The following MAP3K20 variants were observed in gnomAD, a reference collection of about 807,000 sequenced individuals.
The protein encoded by MAP3K20 is mitogen-activated protein kinase kinase kinase 20, also known as HCCS-4.
In MAP3K20, 40 loss-of-function variants were observed where a neutral mutation model predicts 85.7. That is an observed-to-expected ratio of 0.47 (90% CI 0.36 to 0.61). The LOEUF (loss-of-function observed/expected upper bound fraction) is 0.61, where lower values mean the gene tolerates loss of function less well. Ranked by LOEUF, MAP3K20 falls within the 20% of genes least tolerant of loss-of-function variation. The probability of loss-of-function intolerance (pLI) is 0.00; values close to 1 mark genes in which losing one functional copy is unlikely to be tolerated. For missense variants in MAP3K20, 817 were observed against 961.7 expected, an observed-to-expected ratio of 0.85 and a Z score of 1.99; for synonymous variants, 325 against 327.7, an observed-to-expected ratio of 0.99 and a Z score of 0.09.
intron 10 of MAP3K20, chr2:173,215,663 A>C (rs757701147): frequency 6.6e-6 from 1 of 152,216 alleles, no homozygotes; most frequent in Non-Finnish European, 1.5e-5. Flanking sequence ...GGTGCATTTC[A>C]GACGAGTAGC....
chr2:173,216,857 G>A (rs1662709767), intron 10 of MAP3K20, among the ~76,000 whole-genome samples: 1 of 152,164 alleles, frequency 6.6e-6, no homozygotes, highest in Non-Finnish European at 1.5e-5. Flanking sequence ...GGCTGTACCA[G>A]GACACCAGCT....
chr2:173,091,240 G>A, intron 2 of MAP3K20, 50 bp downstream of exon 2: 4 of 1,579,620 alleles, frequency 2.5e-6, no homozygotes, highest in South Asian at 1.1e-5. Flanking sequence ...ATTTATGTAA[G>A]CTTTTTCAAC....
chr2:173,242,985 G>T (rs1190729929), intron 16 of MAP3K20, among the ~76,000 whole-genome samples: 2 of 152,080 alleles, frequency 1.3e-5, no homozygotes, highest in Non-Finnish European at 2.9e-5. Context: ...GATTACAGGC[G>T]TGAGCCACCG....
Position 173,222,198 on chromosome 2 carries a change from C to A in MAP3K20, c.987+4948C>A, listed in dbSNP as rs1684271230. 6 of 969,842 alleles carry A rather than the reference C, an allele frequency of 6.2e-6. No homozygotes were observed. In the South Asian group the frequency reaches 2.9e-4, roughly 47 times the overall value. The allele number at this position is 969,842 out of a possible 1,614,324, so 60.1% of individuals were successfully genotyped here. A position where few individuals can be genotyped will look rare whatever the true frequency, so the allele number is the denominator to read the frequency against. On this transcript the variant is annotated intron_variant, in intron 11 of 19. Coordinates refer to ENST00000375213, the MANE Select transcript of MAP3K20 (RefSeq NM_016653.3). Reference sequence around the variant, plus strand: ...TCTAGCCTGGGCAAGAGAACAAGATCCTGTCTCAAAAAACAAAAAAAAGAA... The same window carrying A: ...TCTAGCCTGGGCAAGAGAACAAGATACTGTCTCAAAAAACAAAAAAAAGAA...
intron 11 of MAP3K20, chr2:173,223,331 G>A: frequency 3.3e-6 from 3 of 899,238 alleles, no homozygotes; most frequent in Non-Finnish European, 4.0e-6. Context: ...CTGATCTTCA[G>A]CGTGGGAATA....
At chr2:173,209,938 G>C in intron 10 of MAP3K20, 103 bp downstream of exon 10, 1 of 1,057,588 alleles carries the variant, frequency 9.5e-7, no homozygotes, top group Non-Finnish European at 1.5e-6. Context: ...CCTGATTTCT[G>C]ACCATAGCTT....
chr2:173,201,929 G>C (rs942668681), intron 8 of MAP3K20, among the ~76,000 whole-genome samples: 1 of 152,134 alleles, frequency 6.6e-6, no homozygotes, highest in Non-Finnish European at 1.5e-5. Flanking sequence ...TTTTCAGTAA[G>C]AAAAGATCAC....
rs539532893 is a variant in MAP3K20, at chr2:173,101,794, T to C, written c.159+10604T>C. ...AAAAAGTACCTAGAATTTTCTTCTC[T>C]GTTCTGTAGTGAAGATGGGAAGTCA... On this transcript the variant is annotated intron_variant, in intron 2 of 19. Coordinates refer to ENST00000375213, the MANE Select transcript of MAP3K20 (RefSeq NM_016653.3). 5.3e-5 allele frequency among the ~76,000 whole-genome samples: 8 copies of C among 152,364 alleles called. No homozygotes were observed. In the East Asian group the frequency reaches 1.5e-3, roughly 29 times the overall value.
At chr2:173,127,843 T>C (rs943481654) in intron 2 of MAP3K20, among the ~76,000 whole-genome samples, 1 of 152,206 alleles carries the variant, frequency 6.6e-6, no homozygotes, top group African/African-American at 2.4e-5. Context: ...TTGTCAGGCA[T>C]TGGGCTGAGT....
intron 16 of MAP3K20, among the ~76,000 whole-genome samples, chr2:173,257,715 T>A (rs1211940203): frequency 1.3e-5 from 2 of 152,212 alleles, no homozygotes; most frequent in African/African-American, 4.8e-5. Context: ...TTTGGTTTTA[T>A]AATAAATTAC....
intron 2 of MAP3K20, among the ~76,000 whole-genome samples, chr2:173,097,874 A>T (rs914888484): frequency 2.6e-5 from 4 of 152,214 alleles, no homozygotes; most frequent in Non-Finnish European, 5.9e-5. Context: ...AGCTTTTATT[A>T]TACTCAGTTA....
chr2:173,231,997 C>T (rs527963215), intron 12 of MAP3K20, among the ~76,000 whole-genome samples, 195 bp from the exon 13 acceptor site: 5 of 152,306 alleles, frequency 3.3e-5, no homozygotes, highest in African/African-American at 1.2e-4. Flanking sequence ...TGTCCAAGAC[C>T]CCCGAAGAGA....
intron 1 of MAP3K20, among the ~76,000 whole-genome samples, chr2:173,079,724 C>G (rs541754684): frequency 1.3e-5 from 2 of 152,154 alleles, no homozygotes; most frequent in Admixed American, 1.3e-4. Flanking sequence ...AGCCTAGCCC[C>G]ACATGGGGTT....
At chr2:173,184,030 C>T (rs1690411974) in intron 4 of MAP3K20, among the ~76,000 whole-genome samples, 1 of 152,074 alleles carries the variant, frequency 6.6e-6, no homozygotes, top group Admixed American at 6.6e-5. Context: ...AAATAATAAG[C>T]TCTGTGTTTA....
At chr2:173,152,442 A>G (rs1689335304) in intron 2 of MAP3K20, among the ~76,000 whole-genome samples, 1 of 152,196 alleles carries the variant, frequency 6.6e-6, no homozygotes, top group Admixed American at 6.5e-5. Context: ...GATCTCCCCT[A>G]GGTTCTAAGC....
intron 4 of MAP3K20, among the ~76,000 whole-genome samples, chr2:173,187,155 A>G (rs1690511324): frequency 6.6e-6 from 1 of 152,196 alleles, no homozygotes; most frequent in African/African-American, 2.4e-5. Flanking sequence ...GCAGTTGGGT[A>G]CCTGCAGACA....
intron 2 of MAP3K20, among the ~76,000 whole-genome samples, chr2:173,163,774 C>T (rs2106242933): frequency 6.6e-6 from 1 of 152,202 alleles, no homozygotes; most frequent in Non-Finnish European, 1.5e-5. Flanking sequence ...TATTCCATTA[C>T]CCAGTAATGG....
At chr2:173,089,440 G>A (rs76425460) in intron 1 of MAP3K20, among the ~76,000 whole-genome samples, 8,833 of 150,648 alleles carry the variant, frequency 0.059, 325 homozygotes, top group African/African-American at 0.099. Context: ...CATCTATAAA[G>A]CAAAAATACC....
intron 12 of MAP3K20, among the ~76,000 whole-genome samples, chr2:173,231,386 T>C (rs912604287): frequency 1.3e-5 from 2 of 152,250 alleles, no homozygotes; most frequent in Non-Finnish European, 2.9e-5. Context: ...CCTGCCAGCC[T>C]TGCTTAACAA....
Sources: gnomAD v4.1 joint callset for allele counts (sites outside exome capture counted in the v4.1 genomes callset) on GRCh38, gnomAD v4.1.1 for gene constraint, MANE v1.5 for transcripts, NCBI Gene and HGNC (gene_info 2026-07-23, HGNC 2026-07-21) for gene names.